SHC3: variants seen among roughly 807,000 people sequenced by gnomAD.
The protein encoded by SHC3 is SHC adaptor protein 3.
SHC3 carries 15 observed loss-of-function variants against 60.4 expected under a neutral mutation model. The observed-to-expected ratio is 0.25, with a 90% CI of 0.17 to 0.38. SHC3 has a LOEUF of 0.38. Among genes scored for constraint, SHC3 ranks in the 10% least tolerant of loss-of-function variants. The pLI is 1.00. For missense variants in SHC3, 677 were observed against 786.1 expected (o/e 0.86, Z 1.66); for synonymous variants, 294 against 325.9 (o/e 0.90, Z 1.05).
intron 1 of SHC3, among the ~76,000 whole-genome samples, chr9:89,155,690 T>C (rs953165586): frequency 2.6e-5 from 4 of 152,166 alleles, no homozygotes; most frequent in African/African-American, 9.7e-5. Flanking sequence ...CAAATCGTCA[T>C]CTACCTGTTT....
Position 89,178,578 on chromosome 9 carries a change from G to C in SHC3, c.-118C>G. 1.1e-6 allele frequency: 1 copy of C among 892,864 alleles called. No homozygotes were observed. The allele number at this position is 892,864 out of a possible 1,614,324, so 55.3% of individuals were successfully genotyped here. A position where few individuals can be genotyped will look rare whatever the true frequency, so the allele number is the denominator to read the frequency against. On this transcript the variant is annotated 5_prime_UTR_variant, in exon 1 of 12. Coordinates refer to ENST00000375835, the MANE Select transcript of SHC3 (RefSeq NM_016848.6). This position sits in a 1 kb window ranked among gnomAD's most constrained non-coding sequence, Gnocchi z 6.9. ...GAGCGGGACGGAGAGTGGGGGCCCC[G>C]GGACAGCCTTCTGGAGAACGAGAGC... is the stretch of plus-strand genomic sequence containing the variant.
At chr9:89,025,232 A>G (rs1826272970) in intron 11 of SHC3, among the ~76,000 whole-genome samples, 1 of 151,800 alleles carries the variant, frequency 6.6e-6, no homozygotes, top group Non-Finnish European at 1.5e-5. Context: ...ACACACATAC[A>G]CACACACACA....
At chr9:89,079,787 A>C (rs1476425905) in intron 2 of SHC3, among the ~76,000 whole-genome samples, 2 of 152,238 alleles carry the variant, frequency 1.3e-5, no homozygotes, top group Non-Finnish European at 2.9e-5. Context: ...TCGCAGATAG[A>C]AGAAGTTCCA....
chr9:89,063,334 C>T lies in SHC3; in HGVS notation c.835+2195G>A, dbSNP rs546034725. On this transcript the variant is annotated intron_variant, in intron 6 of 11. Coordinates refer to ENST00000375835, the MANE Select transcript of SHC3 (RefSeq NM_016848.6). ...TAGTAGAGATGGGGTTTCACCATGT[C>T]GGCCAGGCTGGTTTCGGTCTTCTGA... 1.4e-3 allele frequency among the ~76,000 whole-genome samples: 207 copies of T among 152,242 alleles called. 1 individual carries two copies. Among genetic ancestry groups the T allele is most frequent in the African/African-American group, 4.8e-3 (198 of 41,552 alleles).
intron 2 of SHC3, among the ~76,000 whole-genome samples, chr9:89,106,083 G>A (rs987810550): frequency 8.5e-5 from 13 of 152,146 alleles, no homozygotes; most frequent in African/African-American, 2.9e-4. Context: ...AAGCAGGGGT[G>A]TCATGCATGT....
intron 2 of SHC3, among the ~76,000 whole-genome samples, chr9:89,111,348 C>T (rs554668216): frequency 3.9e-5 from 6 of 152,300 alleles, no homozygotes; most frequent in Admixed American, 1.3e-4. Context: ...GTGTTCTGCC[C>T]ACCGTGATGC....
chr9:89,057,143 G>A (rs1455148333), intron 6 of SHC3, among the ~76,000 whole-genome samples: 1 of 152,158 alleles, frequency 6.6e-6, no homozygotes, highest in Admixed American at 6.5e-5. Context: ...CAACAAGGAC[G>A]GCTGTCTTTT....
chr9:89,084,197 C>T (rs1197915905), intron 2 of SHC3, among the ~76,000 whole-genome samples: 1 of 152,192 alleles, frequency 6.6e-6, no homozygotes, highest in Non-Finnish European at 1.5e-5. Flanking sequence ...ACTTCCCTTA[C>T]ACCTTAGCAG....
At chr9:89,044,844 T>C (rs1251305250) in intron 9 of SHC3, among the ~76,000 whole-genome samples, 2 of 152,208 alleles carry the variant, frequency 1.3e-5, no homozygotes, top group African/African-American at 4.8e-5. Context: ...TAATGTGTGA[T>C]GTAGGTGCAT....
At position 89,013,291 on chromosome 9, in the gene SHC3, GT is replaced by G. The variant is rs1826037952; in HGVS notation, c.*155del. 1 of 892,690 alleles carries G rather than the reference GT, an allele frequency of 1.1e-6. No individual in the cohort carries two copies. Among genetic ancestry groups the G allele is most frequent in the Admixed American group, 3.4e-5 (1 of 29,766 alleles). The allele number at this position is 892,690 out of a possible 1,614,324, so 55.3% of individuals were successfully genotyped here. A position where few individuals can be genotyped will look rare whatever the true frequency, so the allele number is the denominator to read the frequency against. ...ATGCATATGAGAAATTCAGAACCAA[GT>G]TTATGAAACTTGACCTTAAAGGAAG... On this transcript the variant is annotated 3_prime_UTR_variant, in exon 12 of 12. Coordinates refer to ENST00000375835, the MANE Select transcript of SHC3 (RefSeq NM_016848.6).
chr9:89,115,977 C>T (rs1039471432), intron 1 of SHC3, among the ~76,000 whole-genome samples: 5 of 152,260 alleles, frequency 3.3e-5, no homozygotes, highest in Middle Eastern at 3.4e-3. Flanking sequence ...ATACCACCAC[C>T]ACCAATGTCA....
chr9:89,083,665 C>A (rs1825481706), intron 2 of SHC3, among the ~76,000 whole-genome samples: 1 of 152,152 alleles, frequency 6.6e-6, no homozygotes, highest in Non-Finnish European at 1.5e-5. Context: ...AAAAGAAGAC[C>A]ATTTGGAGAA....
intron 2 of SHC3, among the ~76,000 whole-genome samples, chr9:89,081,465 C>A (rs1208627377): frequency 6.6e-6 from 1 of 152,100 alleles, no homozygotes; most frequent in Non-Finnish European, 1.5e-5. Flanking sequence ...CTCCCACCCC[C>A]ACACCCTGAG....
At chr9:89,124,938 G>A (rs1826143363) in intron 1 of SHC3, among the ~76,000 whole-genome samples, 1 of 152,134 alleles carries the variant, frequency 6.6e-6, no homozygotes, top group South Asian at 2.1e-4. Flanking sequence ...GCACCTGTTA[G>A]GATGTTCTGG....
At chr9:89,143,815 T>A (rs1239421417) in intron 1 of SHC3, among the ~76,000 whole-genome samples, 1 of 152,124 alleles carries the variant, frequency 6.6e-6, no homozygotes, top group Admixed American at 6.5e-5. Context: ...TCGGGGTTAG[T>A]GTGTCAGTGT....
chr9:89,105,679 A>C (rs921791133), intron 2 of SHC3, among the ~76,000 whole-genome samples: 1 of 152,214 alleles, frequency 6.6e-6, no homozygotes, highest in Non-Finnish European at 1.5e-5. Flanking sequence ...ACCTTAGTGC[A>C]GTGTCTGGAG....
At chr9:89,066,720 G>A (rs558614077) in intron 5 of SHC3, among the ~76,000 whole-genome samples, 7 of 152,220 alleles carry the variant, frequency 4.6e-5, no homozygotes, top group Admixed American at 1.3e-4. Flanking sequence ...TTATTGATAC[G>A]CTCCCGATGT....
At chr9:89,030,912 A>AT (rs943849729) in intron 11 of SHC3, among the ~76,000 whole-genome samples, 59 of 151,348 alleles carry the variant, frequency 3.9e-4, no homozygotes, top group African/African-American at 1.2e-3. Context: ...GTCCCCTGTA[A>AT]TTTTTTTTCT....
rs78506357 is a variant in SHC3, at chr9:89,080,252, C to T, written c.546-2349G>A. On this transcript the variant is annotated intron_variant, in intron 2 of 11. Transcript: ENST00000375835. ...GTACCAATTTTGCCCTGTTTTTAATCATAGGGATTGCTTCTTAACATTCTG... is the reference window on the plus strand; with the variant it reads ...GTACCAATTTTGCCCTGTTTTTAATTATAGGGATTGCTTCTTAACATTCTG... Among the ~76,000 whole-genome samples the T allele has an allele frequency of 2.0e-4, 31 of 152,262 alleles. No individual in the cohort carries two copies. The East Asian group carries it at 5.8e-3, about 28-fold the overall frequency.
Sources: allele counts gnomAD v4.1 joint callset (sites outside exome capture counted in the v4.1 genomes callset), GRCh38; gene constraint gnomAD v4.1.1; non-coding constraint Gnocchi (gnomAD v3.1); transcripts MANE v1.5; gene names NCBI Gene and HGNC (gene_info 2026-07-23, HGNC 2026-07-21).